Variants in ZDHHC9 observed in about 807,000 individuals in gnomAD.
The protein encoded by ZDHHC9 is zDHHC palmitoyltransferase 9, also known as palmitoyltransferase ZDHHC9.
Under a neutral mutation model 26.6 loss-of-function variants are expected in ZDHHC9, and 3 were observed. That is an observed-to-expected ratio of 0.11 (90% confidence interval 0.05 to 0.29). ZDHHC9 has a LOEUF of 0.29. ZDHHC9 is among the 10% of genes least tolerant of loss of function. The probability of loss-of-function intolerance (pLI) is 1.00; values close to 1 mark genes in which losing one functional copy is unlikely to be tolerated. For missense variants in ZDHHC9, 146 were observed against 296.4 expected, an observed-to-expected ratio of 0.49 and a Z score of 3.73; for synonymous variants, 111 against 109.4, an observed-to-expected ratio of 1.01 and a Z score of -0.09.
intron 4 of ZDHHC9, among the ~76,000 whole-genome samples, chrX:129,828,112 C>T (rs112676174): frequency 0.032 from 3,605 of 112,017 alleles, 138 homozygotes; most frequent in African/African-American, 0.11. Flanking sequence ...CCACAGCGCC[C>T]GGCCTAAAGC....
chrX:129,839,477 T>C (rs1569323659), intron 3 of ZDHHC9, among the ~76,000 whole-genome samples: 1 of 111,353 alleles, frequency 9.0e-6, no homozygotes, highest in Non-Finnish European at 1.9e-5. Context: ...CCTCCCCAAG[T>C]GCTGGGATTA....
At position 129,841,978 on chromosome X, in the gene ZDHHC9, G is replaced by T; in HGVS notation, c.-33C>A. On this transcript the variant is annotated 5_prime_UTR_variant, in exon 3 of 11. Transcript: ENST00000357166. ...ATTCCTGCTCCAAAATGGGTTTTGC[G>T]ATTACACGAGAGAAGAAACAGAGGC... 1 of 1,208,407 alleles carries T rather than the reference G, an allele frequency of 8.3e-7. No homozygotes were observed. The highest frequency in any genetic ancestry group is 1.1e-6 in the Non-Finnish European group (1 of 892,835).
chrX:129,811,525 C>A lies in ZDHHC9; in HGVS notation c.778-16G>T. ...ATCCTTTGATCTGCAAGATAAAAAC[C>A]AAGGCTGACATTAAAAATAATGTTA... On this transcript the variant is annotated splice_polypyrimidine_tract_variant and intron_variant, in intron 8 of 10. Coordinates refer to ENST00000357166, the MANE Select transcript of ZDHHC9 (RefSeq NM_016032.4). 9.0e-7 allele frequency: 1 copy of A among 1,107,642 alleles called. No homozygotes were observed. The highest frequency in any genetic ancestry group is 1.8e-5 in the African/African-American group (1 of 55,522). The allele number at this position is 1,107,642 out of a possible 1,213,427, so 91.3% of individuals were successfully genotyped here.
chrX:129,829,117 C>T lies in ZDHHC9; in HGVS notation c.192G>A (p.Leu64=). ...CAGCAAATACAGGGATGGCAGGAGA[C>T]AGCTGAACAGCCAGGTAGCGGCACC... ...AFECRYLAVQ[L]SPAIPVFAAM... The change falls in exon 4 of 11, where the codon CTG becomes CTA. Residue 64 remains leucine, a synonymous_variant. Transcript: ENST00000357166. 8.3e-7 allele frequency: 1 copy of T among 1,211,684 alleles called. No individual in the cohort carries two copies. Among genetic ancestry groups the T allele is most frequent in the Non-Finnish European group, 1.1e-6 (1 of 895,525 alleles).
At chrX:129,820,591 A>C (rs1927861151) in intron 5 of ZDHHC9, among the ~76,000 whole-genome samples, 1 of 111,575 alleles carries the variant, frequency 9.0e-6, no homozygotes, top group African/African-American at 3.3e-5. Flanking sequence ...ATCCTATCTC[A>C]AAACAAAAGC....
At chrX:129,832,397 C>T (rs1289121183) in intron 3 of ZDHHC9, among the ~76,000 whole-genome samples, 2 of 111,126 alleles carry the variant, frequency 1.8e-5, no homozygotes, top group African/African-American at 6.6e-5. Context: ...CCTGTAATCC[C>T]AGCACTTTGG....
rs755430562 is a variant in ZDHHC9 at position 129,822,045 on chromosome X, C to T, written c.487+1634G>A. Among the ~76,000 whole-genome samples, 5 of 111,660 alleles carry T rather than the reference C, an allele frequency of 4.5e-5. No homozygotes were observed. In the East Asian group the frequency reaches 8.4e-4, roughly 19 times the overall value. On this transcript the variant is annotated intron_variant, in intron 5 of 10. Transcript: ENST00000357166. The stretch of plus-strand genomic sequence containing the variant: ...TCAACCATTGTGGAAGACAGTGTGG[C>T]GATTCCTCAAGGATCCAGTACCAGA...
At chrX:129,816,101 G>A (rs1927751259) in intron 5 of ZDHHC9, among the ~76,000 whole-genome samples, 1 of 112,043 alleles carries the variant, frequency 8.9e-6, no homozygotes, top group African/African-American at 3.2e-5. Flanking sequence ...TTTGAACCTT[G>A]AACAACTCAG....
chrX:129,814,955 C>G (rs1173816403), intron 5 of ZDHHC9, among the ~76,000 whole-genome samples, 160 bp from the exon 6 acceptor site: 1 of 104,867 alleles, frequency 9.5e-6, no homozygotes, highest in Non-Finnish European at 1.9e-5. Context: ...AAAATGTTTT[C>G]ATAACCATCT....
chrX:129,837,016 A>G (rs1001897233), intron 3 of ZDHHC9, among the ~76,000 whole-genome samples: 2 of 112,141 alleles, frequency 1.8e-5, no homozygotes, highest in African/African-American at 6.5e-5. Flanking sequence ...AAATTAGAAG[A>G]AAAAGCCCTG....
At chrX:129,823,978 A>G (rs1256631395) in intron 4 of ZDHHC9, 141 bp from the exon 5 acceptor site, 4 of 532,299 alleles carry the variant, frequency 7.5e-6, no homozygotes, top group Non-Finnish European at 1.3e-5. Flanking sequence ...TCAACATCAC[A>G]GAATATGCCC....
In ZDHHC9 at chrX:129,823,676, C is replaced by T. The variant is rs1556006405; in HGVS notation, c.487+3G>A. On this transcript the variant is annotated splice_donor_region_variant and intron_variant, in intron 5 of 10. Transcript: ENST00000357166. ...TAGGCAATGTCCCTGTAGTTTTACTCACCCACACAGTTGTCACAGATGCTG... is the reference window on the plus strand; with the variant it reads ...TAGGCAATGTCCCTGTAGTTTTACTTACCCACACAGTTGTCACAGATGCTG... The T allele has an allele frequency of 1.6e-6, 2 of 1,212,332 alleles. No homozygotes were observed. Among genetic ancestry groups the T allele is most frequent in the Non-Finnish European group, 2.2e-6 (2 of 895,593 alleles).
chrX:129,839,998 T>C (rs1928344913), intron 3 of ZDHHC9, among the ~76,000 whole-genome samples: 1 of 111,645 alleles, frequency 9.0e-6, no homozygotes, highest in Admixed American at 9.5e-5. Context: ...GTCATCATGG[T>C]AGAAAACTCA....
At chrX:129,824,391 G>C (rs745504364) in intron 4 of ZDHHC9, among the ~76,000 whole-genome samples, 27 of 111,436 alleles carry the variant, frequency 2.4e-4, no homozygotes, top group Non-Finnish European at 5.1e-4. Flanking sequence ...CTGGGTTCAA[G>C]TGATTCTCCT....
chrX:129,835,969 C>G (rs1390237351), intron 3 of ZDHHC9, among the ~76,000 whole-genome samples: 2 of 111,980 alleles, frequency 1.8e-5, no homozygotes, highest in African/African-American at 6.5e-5. Flanking sequence ...TTTGGTTAGT[C>G]AAGTCACAGA....
Position 129,828,837 on chromosome X carries a change from G to A in ZDHHC9, c.328+144C>T, listed in dbSNP as rs901729022. ...CTAGACCTGCATTACTAAATTCACG[G>A]GGTAGTCATGATCTCAGATTCAGGA... On this transcript the variant is annotated intron_variant, in intron 4 of 10. Coordinates refer to ENST00000357166, the MANE Select transcript of ZDHHC9 (RefSeq NM_016032.4). The A allele has an allele frequency of 7.1e-5, 56 of 792,885 alleles. 1 individual carries two copies. Among genetic ancestry groups the A allele is most frequent in the Non-Finnish European group, 9.4e-5 (49 of 522,612 alleles). 65.3% of individuals were successfully genotyped at this position (792,885 alleles called of 1,213,427 possible). A position where few individuals can be genotyped will look rare whatever the true frequency, so the allele number is the denominator to read the frequency against.
At chrX:129,829,261 A>G (rs1191080154) in intron 3 of ZDHHC9, 120 bp from the exon 4 acceptor site, 1 of 835,205 alleles carries the variant, frequency 1.2e-6, no homozygotes, top group African/African-American at 2.0e-5. Context: ...GGCAGGGACC[A>G]TGTTTCTTCT....
chrX:129,814,482 A>G (rs1167063371), intron 6 of ZDHHC9, among the ~76,000 whole-genome samples, 176 bp downstream of exon 6: 1 of 111,719 alleles, frequency 9.0e-6, no homozygotes, highest in Non-Finnish European at 1.9e-5. Flanking sequence ...ATACTCATTG[A>G]TGTGCACTGA....
chrX:129,822,566 T>G (rs1450834820), intron 5 of ZDHHC9, among the ~76,000 whole-genome samples: 3 of 110,704 alleles, frequency 2.7e-5, no homozygotes, highest in African/African-American at 9.9e-5. Flanking sequence ...TGTATACCTA[T>G]GTAACAAACC....
Sources: gnomAD v4.1 joint callset for allele counts (sites outside exome capture counted in the v4.1 genomes callset) on GRCh38, gnomAD v4.1.1 for gene constraint, MANE v1.5 for transcripts, NCBI Gene and HGNC (gene_info 2026-07-23, HGNC 2026-07-21) for gene names.